The following CLSTN2 variants were observed in gnomAD, a reference collection of about 807,000 sequenced individuals.
CLSTN2 encodes the protein calsyntenin 2.
In CLSTN2, 48 loss-of-function variants were observed where a neutral mutation model predicts 101.2. That is an observed-to-expected ratio of 0.47 (90% CI 0.38 to 0.60). The LOEUF is 0.60. Among genes scored for constraint, CLSTN2 ranks in the 20% least tolerant of loss-of-function variants. CLSTN2 has a pLI of 0.00. For synonymous variants in CLSTN2, 481 were observed against 463.6 expected, an observed-to-expected ratio of 1.04 and a Z score of -0.48; for missense variants, 1,160 against 1,238.2, an observed-to-expected ratio of 0.94 and a Z score of 0.95.
intron 1 of CLSTN2, among the ~76,000 whole-genome samples, chr3:140,030,512 T>A (rs2007525003): frequency 6.6e-6 from 1 of 152,188 alleles, no homozygotes; most frequent in African/African-American, 2.4e-5. Context: ...CCAGGAGGTC[T>A]ATTCTAGGTC....
At chr3:140,443,041 CT>C (rs1401948780) in intron 5 of CLSTN2, among the ~76,000 whole-genome samples, 2 of 152,238 alleles carry the variant, frequency 1.3e-5, no homozygotes, top group African/African-American at 4.8e-5. Context: ...GCAGATCTGG[CT>C]GCAGTGTCAG....
At chr3:140,081,269 T>C (rs2008594458) in intron 1 of CLSTN2, among the ~76,000 whole-genome samples, 1 of 152,174 alleles carries the variant, frequency 6.6e-6, no homozygotes, top group South Asian at 2.1e-4. Flanking sequence ...AAATGAACAA[T>C]GAAGAAAAGA....
intron 2 of CLSTN2, among the ~76,000 whole-genome samples, chr3:140,257,734 A>G (rs1169636146): frequency 2.0e-5 from 3 of 152,162 alleles, no homozygotes; most frequent in Admixed American, 6.5e-5. Flanking sequence ...ATGTGTCATA[A>G]TTTAATTAAC....
At chr3:140,138,978 AT>A (rs2009656445) in intron 1 of CLSTN2, among the ~76,000 whole-genome samples, 1 of 152,232 alleles carries the variant, frequency 6.6e-6, no homozygotes, top group Non-Finnish European at 1.5e-5. Context: ...CAGCTTCGTA[AT>A]TTACTATCAA....
At chr3:140,458,398 T>C (rs907779421) in intron 6 of CLSTN2, among the ~76,000 whole-genome samples, 23 of 152,104 alleles carry the variant, frequency 1.5e-4, no homozygotes, top group African/African-American at 5.6e-4. Context: ...CTCCCATTAT[T>C]TGAAAATGAC....
intron 1 of CLSTN2, among the ~76,000 whole-genome samples, chr3:140,043,957 G>T (rs78255642): frequency 6.6e-6 from 1 of 152,172 alleles, no homozygotes; most frequent in Non-Finnish European, 1.5e-5. Context: ...GTCAGGTAGC[G>T]TGATGCCTCC....
intron 6 of CLSTN2, among the ~76,000 whole-genome samples, chr3:140,450,490 G>A (rs1217739458): frequency 2.0e-5 from 3 of 152,158 alleles, no homozygotes; most frequent in Non-Finnish European, 4.4e-5. Flanking sequence ...TTTCTTCCTT[G>A]TTCTCTCCCA....
At chr3:139,945,322 G>A (rs1400559665) in intron 1 of CLSTN2, among the ~76,000 whole-genome samples, 3 of 152,152 alleles carry the variant, frequency 2.0e-5, no homozygotes, top group Non-Finnish European at 4.4e-5. Flanking sequence ...AGGACACAAT[G>A]GCACCTCCTC....
chr3:139,978,668 GT>G, intron 1 of CLSTN2, among the ~76,000 whole-genome samples: 1 of 104,690 alleles, frequency 9.6e-6, no homozygotes, highest in Admixed American at 9.8e-5. Flanking sequence ...GTGTGTGTGT[GT>G]GTGTGTGTGT....
chr3:139,989,244 C>G (rs1936078685), intron 1 of CLSTN2, among the ~76,000 whole-genome samples: 1 of 152,178 alleles, frequency 6.6e-6, no homozygotes, highest in Non-Finnish European at 1.5e-5. Context: ...CTTGAGGACA[C>G]TTTGCAGCCA....
chr3:140,307,578 G>GT (rs1348514678), intron 2 of CLSTN2, among the ~76,000 whole-genome samples: 1 of 152,346 alleles, frequency 6.6e-6, no homozygotes, highest in East Asian at 1.9e-4. Context: ...TTTGGAGGCG[G>GT]TACTTAGTCA....
chr3:140,290,812 A>G (rs569990964), intron 2 of CLSTN2, among the ~76,000 whole-genome samples: 1 of 152,276 alleles, frequency 6.6e-6, no homozygotes, highest in East Asian at 1.9e-4. Context: ...CTTTGTGAAA[A>G]TAGAAGCTAC....
chr3:139,983,980 TA>T (rs1343474954), intron 1 of CLSTN2, among the ~76,000 whole-genome samples: 1 of 152,242 alleles, frequency 6.6e-6, no homozygotes, highest in Non-Finnish European at 1.5e-5. Flanking sequence ...CTTCATTCCT[TA>T]CATTTCTTTC....
intron 2 of CLSTN2, among the ~76,000 whole-genome samples, chr3:140,228,717 G>A (rs1425065976): frequency 6.6e-6 from 1 of 152,202 alleles, no homozygotes; most frequent in Non-Finnish European, 1.5e-5. Context: ...CATGGCGGAA[G>A]GCAAGGAGGA....
At chr3:140,383,798 G>A (rs1471378239) in intron 2 of CLSTN2, among the ~76,000 whole-genome samples, 1 of 152,218 alleles carries the variant, frequency 6.6e-6, no homozygotes, top group African/African-American at 2.4e-5. Flanking sequence ...CATACAGTGA[G>A]ATGGACCGTG....
intron 2 of CLSTN2, among the ~76,000 whole-genome samples, chr3:140,309,218 G>A (rs2107915460): frequency 6.6e-6 from 1 of 152,236 alleles, no homozygotes; most frequent in South Asian, 2.1e-4. Flanking sequence ...ACATGTCACT[G>A]GGGTCCTGGC....
intron 2 of CLSTN2, among the ~76,000 whole-genome samples, chr3:140,403,000 A>G (rs1291247204): frequency 6.6e-6 from 1 of 152,242 alleles, no homozygotes; most frequent in African/African-American, 2.4e-5. Context: ...CAGGTCTTGC[A>G]TGCAGTTGGG....
At chr3:139,996,719 T>C (rs2006671449) in intron 1 of CLSTN2, among the ~76,000 whole-genome samples, 1 of 152,196 alleles carries the variant, frequency 6.6e-6, no homozygotes, top group South Asian at 2.1e-4. Context: ...TTTCTTCATA[T>C]GTTACTAGCT....
intron 1 of CLSTN2, among the ~76,000 whole-genome samples, chr3:140,028,637 C>T (rs975612353): frequency 6.6e-6 from 1 of 152,134 alleles, no homozygotes; most frequent in Non-Finnish European, 1.5e-5. Context: ...TGAGTGCCAG[C>T]CACAACAAAT....
Sources: gnomAD v4.1 joint callset for allele counts (sites outside exome capture counted in the v4.1 genomes callset) on GRCh38, gnomAD v4.1.1 for gene constraint, MANE v1.5 for transcripts, NCBI Gene and HGNC (gene_info 2026-07-23, HGNC 2026-07-21) for gene names.